TBX6: variants seen among roughly 807,000 people sequenced by gnomAD.
TBX6 encodes the protein T-box transcription factor TBX6.
A neutral mutation model predicts 42.3 loss-of-function variants in TBX6; 29 were observed. The ratio of observed to expected loss-of-function variants is 0.69; its 90% CI spans 0.51 to 0.93. The LOEUF (loss-of-function observed/expected upper bound fraction) is 0.93, where lower values mean the gene tolerates loss of function less well. TBX6 is among the 40% of genes least tolerant of loss of function. TBX6 has a pLI of 0.00. For synonymous variants in TBX6, 249 were observed against 245.1 expected, an observed-to-expected ratio of 1.02 and a Z score of -0.15; for missense variants, 569 against 603.3, an observed-to-expected ratio of 0.94 and a Z score of 0.59.
In TBX6 at chr16:30,086,362, C is replaced by A. The variant is rs773515679; in HGVS notation, c.1174G>T (p.Gly392Trp). ...GCTGGGTACCCGGAGCCCCCTGACC[C>A]GTGCGGCAGCTCCAGAAATGCAGCC... ...YSAAFLELPHGSGGSGYPAAP... is the reference protein window; with the variant it reads ...YSAAFLELPHWSGGSGYPAAP... Residue 392 changes from glycine (G) to tryptophan (W), a missense_variant, in exon 9 of 9, where the codon GGG becomes TGG. Physicochemically the swap from Gly to Trp is radical, Grantham distance 184. This residue lies in a region of TBX6 where 245 missense variants were observed against 227.4 expected (regional missense o/e 1.08). Transcript: ENST00000395224. This position sits in a 1 kb window ranked among gnomAD's most constrained non-coding sequence, Gnocchi z 4.6. The A allele has an allele frequency of 6.3e-7, 1 of 1,580,710 alleles. No homozygotes were observed. The highest frequency in any genetic ancestry group is 1.4e-5 in the African/African-American group (1 of 72,638).
At chr16:30,090,144 ACCCTCCTCTCCTC>A (rs977513860) in intron 3 of TBX6, among the ~76,000 whole-genome samples, 97 of 151,696 alleles carry the variant, frequency 6.4e-4, no homozygotes, top group African/African-American at 2.3e-3. Flanking sequence ...TCCTGTCCCC[ACCCTCCTCTCCTC>A]CCCTGATCTC....
chr16:30,089,800 T>C (rs2072693996), intron 3 of TBX6, among the ~76,000 whole-genome samples: 2 of 151,670 alleles, frequency 1.3e-5, no homozygotes, highest in Admixed American at 1.3e-4. Flanking sequence ...TGTGGTGGTG[T>C]GTGCCTATAG....
chr16:30,087,915 T>A (rs1450307575), intron 6 of TBX6: 5 of 145,710 alleles, frequency 3.4e-5, no homozygotes, highest in African/African-American at 1.3e-4. Context: ...TTTTTTTTTT[T>A]GAGACAGAGT....
Position 30,086,472 on chromosome 16 carries a change from G to A in TBX6, c.1098-34C>T, listed in dbSNP as rs1463263205. On this transcript the variant is annotated intron_variant, in intron 8 of 8. Coordinates refer to ENST00000395224, the MANE Select transcript of TBX6 (RefSeq NM_004608.4). The surrounding 1 kb of genome is among the most constrained non-coding windows in gnomAD (Gnocchi z 4.6). ...GAGAGAGGGATGTCAGAGCAGGGCAGAGGGACCCGCAGCCCCGCCTGGTCC... is the reference window on the plus strand; with the variant it reads ...GAGAGAGGGATGTCAGAGCAGGGCAAAGGGACCCGCAGCCCCGCCTGGTCC... 2.0e-6 allele frequency: 3 copies of A among 1,488,940 alleles called. No homozygotes were observed. In the South Asian group the frequency reaches 4.1e-5, roughly 20 times the overall value. The allele number at this position is 1,488,940 out of a possible 1,614,324, so 92.2% of individuals were successfully genotyped here. A position where few individuals can be genotyped will look rare whatever the true frequency, so the allele number is the denominator to read the frequency against.
rs530145246 is a variant in TBX6 at position 30,089,805 on chromosome 16, CTA to C, written c.354-597_354-596del. On this transcript the variant is annotated intron_variant, in intron 3 of 8. Coordinates refer to ENST00000395224, the MANE Select transcript of TBX6 (RefSeq NM_004608.4). ...ATTAGCCGGGTGTGGTGGTGTGTGC[CTA>C]TAGTCCCAGCTACTCGGGAGGCTGA... Among the ~76,000 whole-genome samples, 77 of 151,792 alleles carry C rather than the reference CTA, an allele frequency of 5.1e-4. 1 individual carries two copies. In the South Asian group the frequency reaches 0.015, roughly 30 times the overall value.
chr16:30,088,623 C>G lies in TBX6; in HGVS notation c.769-8G>C. On this transcript the variant is annotated splice_polypyrimidine_tract_variant and splice_region_variant and intron_variant, in intron 5 of 8. Transcript: ENST00000395224. This position sits in a 1 kb window ranked among gnomAD's most constrained non-coding sequence, Gnocchi z 4.1. ...AATCTTCAGTTGTGTGATCTGGGGA[C>G]ACACATGCAGGGTCAAAGCAACTGC... is the stretch of plus-strand genomic sequence containing the variant. The G allele has an allele frequency of 6.2e-7, 1 of 1,614,156 alleles. No homozygotes were observed. The highest frequency in any genetic ancestry group is 2.2e-5 in the East Asian group (1 of 44,868).
At position 30,088,405 on chromosome 16, in the gene TBX6, T is replaced by A; in HGVS notation, c.839+140A>T. On this transcript the variant is annotated intron_variant, in intron 6 of 8. Transcript: ENST00000395224. This position sits in a 1 kb window ranked among gnomAD's most constrained non-coding sequence, Gnocchi z 4.1. The stretch of plus-strand genomic sequence containing the variant: ...ACTGTCCCTGGCACATAGCAGGTAC[T>A]ATATAAGTATTTGCTGAGTCAGTGA... 1 of 1,180,126 alleles carries A rather than the reference T, an allele frequency of 8.5e-7. No homozygotes were observed. The highest frequency in any genetic ancestry group is 2.5e-5 in the East Asian group (1 of 40,684). 73.1% of individuals were successfully genotyped at this position (1,180,126 alleles called of 1,614,324 possible).
chr16:30,089,792 T>C (rs1003262647), intron 3 of TBX6, among the ~76,000 whole-genome samples: 13 of 151,826 alleles, frequency 8.6e-5, no homozygotes, highest in Admixed American at 6.6e-4. Flanking sequence ...TAGCCGGGTG[T>C]GGTGGTGTGT....
chr16:30,088,423 G>T lies in TBX6; in HGVS notation c.839+122C>A, dbSNP rs975161254. On this transcript the variant is annotated intron_variant, in intron 6 of 8. Transcript: ENST00000395224. This position sits in a 1 kb window ranked among gnomAD's most constrained non-coding sequence, Gnocchi z 4.1. ...CAGGTACTATATAAGTATTTGCTGA[G>T]TCAGTGAATGAATGTTTTCACTTAC... The T allele has an allele frequency of 3.3e-5, 44 of 1,342,382 alleles. No homozygotes were observed. The highest frequency in any genetic ancestry group is 5.5e-5 in the Admixed American group (3 of 54,728). The allele number at this position is 1,342,382 out of a possible 1,614,324, so 83.2% of individuals were successfully genotyped here. A position where few individuals can be genotyped will look rare whatever the true frequency, so the allele number is the denominator to read the frequency against.
Position 30,090,785 on chromosome 16 carries a change from G to C in TBX6, c.326C>G (p.Thr109Arg). 1 of 1,607,562 alleles carries C rather than the reference G, an allele frequency of 6.2e-7. No homozygotes were observed. ...CCCAGCTTTGGTGATGATCATTTCT[G>C]TTCCCACAGAGCTGAACTCCTTCCA... Reference protein sequence around the residue: ...ELWKEFSSVGTEMIITKAGRR... With the variant: ...ELWKEFSSVGREMIITKAGRR... The change falls in exon 3 of 9, where the codon ACA (threonine) becomes AGA (arginine). Residue 109 changes from threonine to arginine, a missense_variant. By Grantham distance (71) the Thr-to-Arg change is moderately conservative. Around this residue, in one of 3 missense-constraint regions of TBX6, gnomAD observed 190 missense variants for 250.6 expected, o/e 0.76. Coordinates refer to ENST00000395224, the MANE Select transcript of TBX6 (RefSeq NM_004608.4).
rs2072674537 is a variant in TBX6, at chr16:30,088,610, T to C, written c.774A>G (p.Thr258=). The C allele has an allele frequency of 6.2e-7, 1 of 1,614,090 alleles. No individual in the cohort carries two copies. Among genetic ancestry groups the C allele is most frequent in the Non-Finnish European group, 8.5e-7 (1 of 1,180,052 alleles). The part of the protein sequence containing the change: ...SVTAYQNPQI[T]QLKIAANPFA... ...AGGGATTGGCTGCAATCTTCAGTTG[T>C]GTGATCTGGGGACACACATGCAGGG... The change falls in exon 6 of 9, where the codon ACA becomes ACG. Residue 258 remains threonine (T), a synonymous_variant. Coordinates refer to ENST00000395224, the MANE Select transcript of TBX6 (RefSeq NM_004608.4). This position sits in a 1 kb window ranked among gnomAD's most constrained non-coding sequence, Gnocchi z 4.1.
rs770670197 is a variant in TBX6 at position 30,088,883 on chromosome 16, C to A, written c.622-44G>T. 6.2e-7 allele frequency: 1 copy of A among 1,605,302 alleles called. No individual in the cohort carries two copies. The highest frequency in any genetic ancestry group is 1.1e-5 in the South Asian group (1 of 90,454). On this transcript the variant is annotated intron_variant, in intron 4 of 8. Coordinates refer to ENST00000395224, the MANE Select transcript of TBX6 (RefSeq NM_004608.4). The surrounding 1 kb of genome is among the most constrained non-coding windows in gnomAD (Gnocchi z 4.1). Reference sequence around the variant, plus strand: ...GAGTGATTCCCTGCCCTGCGCCTCACCCTTGGCCTCCCTTCCAGCACCCCC... The same window carrying A: ...GAGTGATTCCCTGCCCTGCGCCTCAACCTTGGCCTCCCTTCCAGCACCCCC...
chr16:30,088,175 T>G lies in TBX6; in HGVS notation c.839+370A>C. On this transcript the variant is annotated intron_variant, in intron 6 of 8. Transcript: ENST00000395224. The surrounding 1 kb of genome is among the most constrained non-coding windows in gnomAD (Gnocchi z 4.1). ...CTGGTCTCGAACTCCTGGCCTCAGG[T>G]GATCTGCCCGCCTCAGCCTCCCAGA... 1 of 290,814 alleles carries G rather than the reference T, an allele frequency of 3.4e-6. No individual in the cohort carries two copies. 18.0% of individuals were successfully genotyped at this position (290,814 alleles called of 1,614,324 possible). A position where few individuals can be genotyped will look rare whatever the true frequency, so the allele number is the denominator to read the frequency against.
chr16:30,089,932 C>CAAAAAA (rs34629735), intron 3 of TBX6, among the ~76,000 whole-genome samples: 2 of 97,496 alleles, frequency 2.1e-5, no homozygotes. Context: ...GACTCCATCT[C>CAAAAAA]AAAAAAAAAA....
Position 30,085,987 on chromosome 16 carries a change from C to G in TBX6, c.*238G>C, listed in dbSNP as rs553227357. On this transcript the variant is annotated 3_prime_UTR_variant, in exon 9 of 9. Transcript: ENST00000395224. ...CCAGGCAGAGCCCCTTCCATTCACACGGAGGTGAGAGCCGGGAAGGGGAAG... is the reference window on the plus strand; with the variant it reads ...CCAGGCAGAGCCCCTTCCATTCACAGGGAGGTGAGAGCCGGGAAGGGGAAG... 19 of 520,672 alleles carry G rather than the reference C, an allele frequency of 3.6e-5. No homozygotes were observed. Among genetic ancestry groups the G allele is most frequent in the Middle Eastern group, 5.0e-4 (1 of 2,000 alleles). The allele number at this position is 520,672 out of a possible 1,614,324, so 32.3% of individuals were successfully genotyped here. A position where few individuals can be genotyped will look rare whatever the true frequency, so the allele number is the denominator to read the frequency against.
At chr16:30,090,190 T>G (rs971307377) in intron 3 of TBX6, among the ~76,000 whole-genome samples, 6 of 152,088 alleles carry the variant, frequency 3.9e-5, no homozygotes, top group Non-Finnish European at 7.4e-5. Context: ...CTGCAGCTCT[T>G]AGATGAATTT....
Position 30,085,926 on chromosome 16 carries a change from T to G in TBX6, c.*299A>C. ...CCCCTCCAGAGCCCATGGGGAGGCC[T>G]GGTAAGTGGGGATGCTGGTCTGTGG... On this transcript the variant is annotated 3_prime_UTR_variant, in exon 9 of 9. Transcript: ENST00000395224. The G allele has an allele frequency of 5.0e-6, 2 of 401,236 alleles. No homozygotes were observed. Among genetic ancestry groups the G allele is most frequent in the East Asian group, 6.2e-5 (1 of 16,160 alleles). 24.9% of individuals were successfully genotyped at this position (401,236 alleles called of 1,614,324 possible). A position where few individuals can be genotyped will look rare whatever the true frequency, so the allele number is the denominator to read the frequency against.
In TBX6 at chr16:30,089,038, G is replaced by A; in HGVS notation, c.526C>T (p.Pro176Ser). The A allele has an allele frequency of 6.2e-7, 1 of 1,613,994 alleles. No individual in the cohort carries two copies. The highest frequency in any genetic ancestry group is 1.1e-5 in the South Asian group (1 of 91,072). Residue 176 changes from proline to serine, a missense_variant, in exon 4 of 9, where the codon CCC (proline) becomes TCC (serine). Around this residue, in one of 3 missense-constraint regions of TBX6, gnomAD observed 190 missense variants for 250.6 expected, o/e 0.76. Transcript: ENST00000395224. Reference sequence around the variant, plus strand: ...TGTGCACCAGTGGCAGGAGAGTCGGGGTGAATGTAGACACGGTCAGGCAGG... The same window carrying A: ...TGTGCACCAGTGGCAGGAGAGTCGGAGTGAATGTAGACACGGTCAGGCAGG... ...PRLPDRVYIHPDSPATGAHWM... is the reference protein window; with the variant it reads ...PRLPDRVYIHSDSPATGAHWM...
chr16:30,091,395 CCCT>C, intron 1 of TBX6, 154 bp from the exon 2 acceptor site: 1 of 524,690 alleles, frequency 1.9e-6, no homozygotes, highest in Non-Finnish European at 3.3e-6. Flanking sequence ...GGGTACGGTC[CCCT>C]CCTCCCCTCC....
Sources: gnomAD v4.1 joint callset for allele counts (sites outside exome capture counted in the v4.1 genomes callset) on GRCh38, gnomAD v4.1.1 for gene constraint, gnomAD v4.1.1 regional missense constraint, Gnocchi (gnomAD v3.1) non-coding constraint, MANE v1.5 for transcripts, NCBI Gene and HGNC (gene_info 2026-07-23, HGNC 2026-07-21) for gene names.